KCNB2: variants seen among roughly 807,000 people sequenced by gnomAD.
The protein encoded by KCNB2 is delayed rectifier potassium channel protein.
Under a neutral mutation model 61.5 loss-of-function variants are expected in KCNB2, and 15 were observed. The observed-to-expected ratio is 0.24, with a 90% CI of 0.16 to 0.38. KCNB2 has a LOEUF of 0.38. Among genes scored for constraint, KCNB2 ranks in the 10% least tolerant of loss-of-function variants. The pLI is 1.00. For synonymous variants in KCNB2, 457 were observed against 446.0 expected (o/e 1.02, Z -0.31); for missense variants, 828 against 1,125.2 (o/e 0.74, Z 3.78).
chr8:72,613,784 A>G (rs146178440), intron 2 of KCNB2, among the ~76,000 whole-genome samples: 54 of 152,364 alleles, frequency 3.5e-4, no homozygotes, highest in Non-Finnish European at 6.2e-4. Flanking sequence ...TGAGCATTCA[A>G]TTAGCAGAGT....
intron 2 of KCNB2, among the ~76,000 whole-genome samples, chr8:72,629,358 A>G (rs1469449667): frequency 6.6e-6 from 1 of 152,178 alleles, no homozygotes; most frequent in Non-Finnish European, 1.5e-5. Flanking sequence ...ATGGGAGTCT[A>G]TGCTTTCTAG....
intron 2 of KCNB2, among the ~76,000 whole-genome samples, chr8:72,692,193 G>A (rs961169503): frequency 2.2e-5 from 3 of 136,578 alleles, no homozygotes; most frequent in Non-Finnish European, 4.6e-5. Flanking sequence ...CCGAGATCAT[G>A]CCACTGCACT....
chr8:72,811,129 C>T (rs1809299883), intron 2 of KCNB2, among the ~76,000 whole-genome samples: 1 of 150,516 alleles, frequency 6.6e-6, no homozygotes, highest in Admixed American at 6.6e-5. Flanking sequence ...TCACACAATG[C>T]CAGATACCAG....
At chr8:72,561,069 T>C (rs1320063174) in intron 1 of KCNB2, among the ~76,000 whole-genome samples, 4 of 152,198 alleles carry the variant, frequency 2.6e-5, no homozygotes, top group African/African-American at 9.6e-5. Context: ...TGCAACACAA[T>C]GCTTCCTTTG....
chr8:72,662,350 T>C (rs919906244), intron 2 of KCNB2, among the ~76,000 whole-genome samples: 1 of 152,084 alleles, frequency 6.6e-6, no homozygotes. Flanking sequence ...CAAACCAGTA[T>C]AGGGCAACCA....
At chr8:72,833,578 G>A (rs981885542) in intron 2 of KCNB2, among the ~76,000 whole-genome samples, 4 of 152,162 alleles carry the variant, frequency 2.6e-5, no homozygotes, top group African/African-American at 9.7e-5. Context: ...GTGGGAGATA[G>A]CAGAAGGCCT....
At chr8:72,595,915 T>C (rs1807182026) in intron 2 of KCNB2, among the ~76,000 whole-genome samples, 1 of 152,218 alleles carries the variant, frequency 6.6e-6, no homozygotes, top group African/African-American at 2.4e-5. Context: ...AGTTCACTAG[T>C]TGAGACAGAC....
intron 2 of KCNB2, among the ~76,000 whole-genome samples, chr8:72,609,866 G>A (rs904711351): frequency 2.6e-5 from 4 of 152,094 alleles, no homozygotes; most frequent in South Asian, 2.1e-4. Context: ...GCCACACTGC[G>A]CAGACCCAGG....
chr8:72,600,338 C>G (rs1379901504), intron 2 of KCNB2, among the ~76,000 whole-genome samples: 1 of 151,594 alleles, frequency 6.6e-6, no homozygotes, highest in Non-Finnish European at 1.5e-5. Context: ...CAAACTATCA[C>G]AAGGACAAAA....
In KCNB2 at chr8:72,938,139, TTG is replaced by T. The variant is rs765236171; in HGVS notation, c.*50_*51del. On this transcript the variant is annotated 3_prime_UTR_variant, in exon 3 of 3. Coordinates refer to ENST00000523207, the MANE Select transcript of KCNB2 (RefSeq NM_004770.3). Reference sequence around the variant, plus strand: ...GAAACAAAACAAAACAAAACAAAACTTGTTTCTTAAAAATGCGGTTAATAATG... The same window carrying T: ...GAAACAAAACAAAACAAAACAAAACTTTTCTTAAAAATGCGGTTAATAATG... The T allele has an allele frequency of 2.1e-5, 31 of 1,443,794 alleles. No individual in the cohort carries two copies. Among genetic ancestry groups the T allele is most frequent in the Middle Eastern group, 1.8e-4 (1 of 5,528 alleles). 89.4% of individuals were successfully genotyped at this position (1,443,794 alleles called of 1,614,324 possible).
intron 2 of KCNB2, among the ~76,000 whole-genome samples, chr8:72,747,708 T>C (rs1808102900): frequency 6.6e-6 from 1 of 152,184 alleles, no homozygotes; most frequent in Non-Finnish European, 1.5e-5. Context: ...TAAAACCCCT[T>C]GACTTTGCAA....
chr8:72,735,050 C>A (rs1807817072), intron 2 of KCNB2, among the ~76,000 whole-genome samples: 1 of 152,150 alleles, frequency 6.6e-6, no homozygotes, highest in African/African-American at 2.4e-5. Flanking sequence ...TAATGGAAAG[C>A]AGGGCCCCTT....
At chr8:72,799,840 A>AAGAGGCT (rs1206575251) in intron 2 of KCNB2, among the ~76,000 whole-genome samples, 1 of 152,136 alleles carries the variant, frequency 6.6e-6, no homozygotes, top group Non-Finnish European at 1.5e-5. Flanking sequence ...GGCTTCTAGG[A>AAGAGGCT]AGAGGCTGTG....
chr8:72,624,482 G>A (rs1395398121), intron 2 of KCNB2, among the ~76,000 whole-genome samples: 1 of 151,992 alleles, frequency 6.6e-6, no homozygotes, highest in Non-Finnish European at 1.5e-5. Flanking sequence ...TTCTTCATAA[G>A]CCTGAGATGG....
intron 1 of KCNB2, among the ~76,000 whole-genome samples, chr8:72,561,691 T>TTTTATATATATATATG (rs1554576093): frequency 2.1e-4 from 4 of 19,404 alleles, no homozygotes; most frequent in African/African-American, 1.1e-3. Flanking sequence ...GATCTTACTT[T>TTTTATATATATATATG]TATATATATA....
At chr8:72,726,998 CCT>C (rs540812707) in intron 2 of KCNB2, among the ~76,000 whole-genome samples, 49 of 152,274 alleles carry the variant, frequency 3.2e-4, no homozygotes, top group African/African-American at 1.1e-3. Context: ...TCTCTATTTG[CCT>C]CTCTTTCTGC....
chr8:72,624,939 G>C (rs1267081961), intron 2 of KCNB2, among the ~76,000 whole-genome samples: 3 of 152,212 alleles, frequency 2.0e-5, no homozygotes, highest in African/African-American at 7.2e-5. Flanking sequence ...GCTGAGGGAA[G>C]CCTCCAGCCA....
chr8:72,598,494 A>C (rs905710974), intron 2 of KCNB2, among the ~76,000 whole-genome samples: 29 of 152,244 alleles, frequency 1.9e-4, no homozygotes, highest in Non-Finnish European at 3.2e-4. Context: ...AGCCAATATC[A>C]TACTGAATGG....
At position 72,924,876 on chromosome 8, in the gene KCNB2, A is replaced by T. The variant is rs559414935; in HGVS notation, c.580-11059A>T. 2.6e-5 allele frequency among the ~76,000 whole-genome samples: 4 copies of T among 152,296 alleles called. No homozygotes were observed. The South Asian group carries it at 6.2e-4, about 24-fold the overall frequency. On this transcript the variant is annotated intron_variant, in intron 2 of 2. Transcript: ENST00000523207. ...TACTGTTCATAGGGCCCTGGAATGCATAGCAGCCTCCCATAACAGCAGATA... is the reference window on the plus strand; with the variant it reads ...TACTGTTCATAGGGCCCTGGAATGCTTAGCAGCCTCCCATAACAGCAGATA...
Sources: gnomAD v4.1 joint callset for allele counts (sites outside exome capture counted in the v4.1 genomes callset) on GRCh38, gnomAD v4.1.1 for gene constraint, MANE v1.5 for transcripts, NCBI Gene and HGNC (gene_info 2026-07-23, HGNC 2026-07-21) for gene names.